ATP11A: variants seen among roughly 807,000 people sequenced by gnomAD.
The protein encoded by ATP11A is ATPase phospholipid transporting 11A.
In ATP11A, 81 loss-of-function variants were observed where a neutral mutation model predicts 154.4. The observed-to-expected ratio is 0.52, with a 90% CI of 0.44 to 0.63. The LOEUF (loss-of-function observed/expected upper bound fraction) is 0.63. Ranked by LOEUF, ATP11A falls within the 30% of genes least tolerant of loss-of-function variation. The pLI is 0.00. For synonymous variants in ATP11A, 623 were observed against 585.9 expected, an observed-to-expected ratio of 1.06 and a Z score of -0.91; for missense variants, 1,316 against 1,474.3, an observed-to-expected ratio of 0.89 and a Z score of 1.76.
intron 25 of ATP11A, among the ~76,000 whole-genome samples, chr13:112,869,939 CGTG>C (rs2080459003): frequency 6.6e-6 from 1 of 152,208 alleles, no homozygotes; most frequent in African/African-American, 2.4e-5. Context: ...TGTACATCCT[CGTG>C]GGCCACTGTC....
chr13:112,748,578 C>T (rs1472568510), intron 1 of ATP11A, among the ~76,000 whole-genome samples: 1 of 152,174 alleles, frequency 6.6e-6, no homozygotes, highest in East Asian at 1.9e-4. Flanking sequence ...GTCACCCAGG[C>T]TGGTCTCAGA....
At chr13:112,747,627 G>A (rs887424813) in intron 1 of ATP11A, among the ~76,000 whole-genome samples, 30 of 152,204 alleles carry the variant, frequency 2.0e-4, no homozygotes, top group Non-Finnish European at 5.9e-5. Context: ...CTTGAGGTCA[G>A]GAGTTCGAGA....
chr13:112,805,416 G>T (rs2078293049), intron 3 of ATP11A, among the ~76,000 whole-genome samples: 1 of 152,158 alleles, frequency 6.6e-6, no homozygotes, highest in Non-Finnish European at 1.5e-5. Flanking sequence ...ATCCAGGCCG[G>T]GCACAGTGGC....
At chr13:112,735,036 TAAAA>T (rs1385195026) in intron 1 of ATP11A, among the ~76,000 whole-genome samples, 2 of 152,006 alleles carry the variant, frequency 1.3e-5, no homozygotes, top group Non-Finnish European at 2.9e-5. Flanking sequence ...GGACTTTTTT[TAAAA>T]AAAGAAAAAA....
chr13:112,725,587 C>T (rs575202904), intron 1 of ATP11A, among the ~76,000 whole-genome samples: 2 of 152,310 alleles, frequency 1.3e-5, no homozygotes, highest in South Asian at 4.1e-4. Context: ...CCTCTAACGA[C>T]CAAGTGTGGG....
chr13:112,792,540 A>G (rs542880996), intron 2 of ATP11A, among the ~76,000 whole-genome samples: 2 of 152,346 alleles, frequency 1.3e-5, no homozygotes, highest in East Asian at 1.9e-4. Flanking sequence ...AGCCTTTGTC[A>G]TGGAAGAAGT....
intron 12 of ATP11A, among the ~76,000 whole-genome samples, chr13:112,829,494 T>C (rs532924762): frequency 9.8e-5 from 15 of 152,318 alleles, no homozygotes; most frequent in Admixed American, 6.5e-4. Flanking sequence ...GAAAAGGCAT[T>C]GGACAAAATT....
Position 112,859,433 on chromosome 13 carries a change from T to G in ATP11A, c.2708T>G (p.Phe903Cys), listed in dbSNP as rs1255370359. Reference protein sequence around the residue: ...FIFPQFLYQFFCGFSQQTLYD... With the variant: ...FIFPQFLYQFCCGFSQQTLYD... ...TTCCCTCAGTTTTTATACCAGTTCT[T>G]CTGTGGGTTTTCACAACAGGTCAGT... is the stretch of plus-strand genomic sequence containing the variant. Residue 903 changes from phenylalanine (F) to cysteine (C), a missense_variant, in exon 23 of 30, where the codon TTC becomes TGC. Transcript: ENST00000375645. This position sits in a 1 kb window ranked among gnomAD's most constrained non-coding sequence, Gnocchi z 4.3. 1 of 1,613,942 alleles carries G rather than the reference T, an allele frequency of 6.2e-7. No individual in the cohort carries two copies. Among genetic ancestry groups the G allele is most frequent in the African/African-American group, 1.3e-5 (1 of 74,924 alleles).
intron 1 of ATP11A, among the ~76,000 whole-genome samples, chr13:112,751,944 C>T (rs1157640023): frequency 1.3e-5 from 2 of 152,208 alleles, no homozygotes; most frequent in African/African-American, 4.8e-5. Flanking sequence ...TGTAAATACA[C>T]AAATATATAT....
intron 5 of ATP11A, among the ~76,000 whole-genome samples, chr13:112,813,732 C>T (rs745436799): frequency 7.9e-5 from 12 of 151,902 alleles, no homozygotes; most frequent in Non-Finnish European, 1.6e-4. Context: ...CACGACGTTG[C>T]CAGCATCTTC....
rs776794156 is a variant in ATP11A, at chr13:112,690,439, C to T, written c.23C>T (p.Thr8Met). The T allele has an allele frequency of 6.7e-6, 9 of 1,343,324 alleles. No homozygotes were observed. The highest frequency in any genetic ancestry group is 2.1e-5 in the South Asian group (1 of 47,916). 83.2% of individuals were successfully genotyped at this position (1,343,324 alleles called of 1,614,324 possible). A position where few individuals can be genotyped will look rare whatever the true frequency, so the allele number is the denominator to read the frequency against. ...GCCATGGACTGCAGCCTCGTGCGGA[C>T]GCTCGTGCACAGATACGTGAGTGCT... MDCSLVR[T>M]LVHRYCAGEE... Residue 8 changes from threonine (T) to methionine (M), a missense_variant, in exon 1 of 30, where the codon ACG becomes ATG. Thr to Met is a moderately conservative substitution (Grantham distance 81). Around this residue, in one of 5 missense-constraint regions of ATP11A, gnomAD observed 123 missense variants for 113.7 expected, o/e 1.08. Transcript: ENST00000375645. This position sits in a 1 kb window ranked among gnomAD's most constrained non-coding sequence, Gnocchi z 5.6.
intron 29 of ATP11A, chr13:112,880,751 C>G (rs1471362912): frequency 2.6e-6 from 3 of 1,168,852 alleles, no homozygotes; most frequent in African/African-American, 3.2e-5. Flanking sequence ...AACAAAGGTT[C>G]ACGGTGAGAA....
chr13:112,862,519 T>G lies in ATP11A; in HGVS notation c.2935T>G (p.Phe979Val). 3.1e-6 allele frequency: 5 copies of G among 1,614,196 alleles called. No homozygotes were observed. Among genetic ancestry groups the G allele is most frequent in the Non-Finnish European group, 4.2e-6 (5 of 1,180,014 alleles). ...TLLGLFDALVFFFGAYFVFEN... is the reference protein window; with the variant it reads ...TLLGLFDALVVFFGAYFVFEN... ...CCTGGGACTGTTTGACGCACTGGTG[T>G]TCTTCTTTGGTGCTTATTTCGTGTT... The change falls in exon 25 of 30, where the codon TTC becomes GTC. Residue 979 changes from phenylalanine to valine, a missense_variant. By Grantham distance (50) the Phe-to-Val change is conservative. Coordinates refer to ENST00000375645, the MANE Select transcript of ATP11A (RefSeq NM_015205.3).
intron 29 of ATP11A, chr13:112,880,773 CTT>C: frequency 8.6e-7 from 1 of 1,156,830 alleles, no homozygotes; most frequent in Non-Finnish European, 1.1e-6. Flanking sequence ...GAGCAGCCCT[CTT>C]TACACACACA....
At chr13:112,777,102 C>G (rs987340080) in intron 1 of ATP11A, among the ~76,000 whole-genome samples, 1 of 152,154 alleles carries the variant, frequency 6.6e-6, no homozygotes, top group African/African-American at 2.4e-5. Flanking sequence ...AAATTTTCCT[C>G]GACCACTGAA....
In ATP11A at chr13:112,753,098, A is replaced by G. The variant is rs922227195; in HGVS notation, c.40-32037A>G. 6.6e-6 allele frequency among the ~76,000 whole-genome samples: 1 copy of G among 152,190 alleles called. No individual in the cohort carries two copies. Among genetic ancestry groups the G allele is most frequent in the Admixed American group, 6.5e-5 (1 of 15,286 alleles). On this transcript the variant is annotated intron_variant, in intron 1 of 29. Transcript: ENST00000375645. This position sits in a 1 kb window ranked among gnomAD's most constrained non-coding sequence, Gnocchi z 4.1. ...AATGAGTCAGTGTTCCCAATGACAT[A>G]TACGGTGGCTTACAGTTACCCCGGC...
chr13:112,715,464 A>AC (rs752858426), intron 1 of ATP11A, among the ~76,000 whole-genome samples: 3 of 60,280 alleles, frequency 5.0e-5, no homozygotes, highest in Admixed American at 2.1e-4. Context: ...CACCTGGCCC[A>AC]TCCCCCACAC....
intron 1 of ATP11A, chr13:112,747,256 G>A (rs545020839): frequency 3.9e-4 from 59 of 152,334 alleles, no homozygotes; most frequent in Non-Finnish European, 6.6e-4. Context: ...ATTCGGGAGC[G>A]TAAGGGAAGG....
chr13:112,773,172 G>A (rs776017010), intron 1 of ATP11A, among the ~76,000 whole-genome samples: 5 of 151,912 alleles, frequency 3.3e-5, no homozygotes, highest in Non-Finnish European at 5.9e-5. Context: ...GTTTCTCATC[G>A]CCTCTGGGTT....
Sources: gnomAD v4.1 joint callset for allele counts (sites outside exome capture counted in the v4.1 genomes callset) on GRCh38, gnomAD v4.1.1 for gene constraint, gnomAD v4.1.1 regional missense constraint, Gnocchi (gnomAD v3.1) non-coding constraint, MANE v1.5 for transcripts, NCBI Gene and HGNC (gene_info 2026-07-23, HGNC 2026-07-21) for gene names.